The following TG variants were observed in gnomAD, a reference collection of about 807,000 sequenced individuals.
TG encodes the protein thyroglobulin, also known as thyroid hormones.
A neutral mutation model predicts 324.7 loss-of-function variants in TG; 270 were observed. The observed-to-expected ratio is 0.83, with a 90% confidence interval of 0.75 to 0.92. TG has a LOEUF of 0.92. Among genes scored for constraint, TG ranks in the 40% least tolerant of loss-of-function variants. The pLI, the probability that TG is intolerant of heterozygous loss-of-function variation, is 0.00. For synonymous variants in TG, 1,401 were observed against 1,327.0 expected (o/e 1.06, Z -1.21); for missense variants, 3,591 against 3,456.4 (o/e 1.04, Z -0.98).
At chr8:132,921,785 T>G (rs1367673785) in intron 21 of TG, among the ~76,000 whole-genome samples, 1 of 152,244 alleles carries the variant, frequency 6.6e-6, no homozygotes, top group Non-Finnish European at 1.5e-5. Flanking sequence ...TGTTTATTGA[T>G]GTATTAACTC....
chr8:133,043,691 G>C (rs1357006113), intron 41 of TG, among the ~76,000 whole-genome samples: 1 of 152,128 alleles, frequency 6.6e-6, no homozygotes, highest in African/African-American at 2.4e-5. Context: ...AGCCATTTTT[G>C]CCTCATGCCC....
chr8:132,956,575 A>G (rs1826902968), intron 27 of TG, among the ~76,000 whole-genome samples: 1 of 152,188 alleles, frequency 6.6e-6, no homozygotes. Context: ...AGAGAGAAAA[A>G]GGCATGCAAC....
chr8:133,044,982 A>G, intron 41 of TG: 2 of 1,614,144 alleles, frequency 1.2e-6, no homozygotes, highest in Non-Finnish European at 8.5e-7. Context: ...TATGTCTCTT[A>G]CCAGAATAGT....
chr8:133,093,287 C>G (rs1435946510), intron 41 of TG, among the ~76,000 whole-genome samples: 1 of 152,122 alleles, frequency 6.6e-6, no homozygotes, highest in African/African-American at 2.4e-5. Flanking sequence ...AATTCCAGGC[C>G]TTGGCCTGGC....
chr8:133,028,535 A>G (rs1836315833), intron 40 of TG, among the ~76,000 whole-genome samples: 2 of 152,240 alleles, frequency 1.3e-5, no homozygotes, highest in South Asian at 2.1e-4. Flanking sequence ...TGAAAAAGTA[A>G]TCTTCCATAG....
At chr8:133,103,876 G>A (rs1849554924) in intron 43 of TG, among the ~76,000 whole-genome samples, 1 of 152,216 alleles carries the variant, frequency 6.6e-6, no homozygotes, top group Non-Finnish European at 1.5e-5. Context: ...TTCTGACTCG[G>A]AGAGTTCATG....
At chr8:132,919,253 A>G (rs992820963) in intron 20 of TG, 123 bp from the exon 21 acceptor site, 18 of 1,047,796 alleles carry the variant, frequency 1.7e-5, no homozygotes, top group Admixed American at 1.2e-4. Context: ...TTCTCAGTGG[A>G]CATTTGTTAA....
chr8:132,997,494 G>A (rs1832993522), intron 35 of TG, among the ~76,000 whole-genome samples: 3 of 152,242 alleles, frequency 2.0e-5, no homozygotes, highest in Middle Eastern at 3.4e-3. Flanking sequence ...AGAGTCAAGG[G>A]CAGCCCCTTG....
intron 41 of TG, among the ~76,000 whole-genome samples, chr8:133,086,327 T>TA (rs1846554478): frequency 6.6e-6 from 1 of 152,178 alleles, no homozygotes; most frequent in Admixed American, 6.5e-5. Context: ...ACCATTGAAT[T>TA]AAGTGGGTGA....
chr8:132,972,812 A>G, intron 34 of TG, 71 bp downstream of exon 34: 2 of 1,586,974 alleles, frequency 1.3e-6, no homozygotes, highest in East Asian at 2.2e-5. Context: ...CATTAGGACA[A>G]TATTCTTGGA....
At chr8:133,046,090 C>T (rs945865241) in intron 41 of TG, among the ~76,000 whole-genome samples, 2 of 152,096 alleles carry the variant, frequency 1.3e-5, no homozygotes, top group Admixed American at 6.5e-5. Context: ...AGAGTAGAAC[C>T]GCAGCCATGT....
Position 132,881,980 on chromosome 8 carries a change from C to A in TG, c.745+11C>A, listed in dbSNP as rs754494001. 26 of 1,577,802 alleles carry A rather than the reference C, an allele frequency of 1.6e-5. No individual in the cohort carries two copies. Among genetic ancestry groups the A allele is most frequent in the Middle Eastern group, 1.7e-4 (1 of 6,004 alleles). On this transcript the variant is annotated intron_variant, in intron 6 of 47. Transcript: ENST00000220616. ...AACTGGCTGAGACAGGTGAGTGATA[C>A]CCCTCAGGTGATCTGAAGGGAGGGA...
At chr8:133,035,688 A>G (rs1195883368) in intron 41 of TG, among the ~76,000 whole-genome samples, 2 of 152,200 alleles carry the variant, frequency 1.3e-5, no homozygotes, top group Non-Finnish European at 2.9e-5. Flanking sequence ...TCTCTTTGCC[A>G]TTATGCAATT....
At chr8:132,895,066 C>T (rs1429642572) in intron 11 of TG, among the ~76,000 whole-genome samples, 1 of 152,232 alleles carries the variant, frequency 6.6e-6, no homozygotes, top group African/African-American at 2.4e-5. Flanking sequence ...CATCCTAGAG[C>T]CCTTGTTCTT....
chr8:133,006,838 G>A (rs1246810745), intron 35 of TG, among the ~76,000 whole-genome samples: 1 of 152,170 alleles, frequency 6.6e-6, no homozygotes, highest in Non-Finnish European at 1.5e-5. Flanking sequence ...TTAGTTATAG[G>A]TTTTTTGAAT....
At chr8:133,102,671 C>A (rs958206170) in intron 43 of TG, 2 of 1,066,114 alleles carry the variant, frequency 1.9e-6, no homozygotes, top group African/African-American at 3.1e-5. Context: ...AATTTCTCCC[C>A]CTTTTCTCTT....
chr8:132,948,029 C>A (rs953270779), intron 26 of TG, among the ~76,000 whole-genome samples: 1 of 152,182 alleles, frequency 6.6e-6, no homozygotes, highest in Non-Finnish European at 1.5e-5. Flanking sequence ...AATGTCATCT[C>A]CCCTAGTTAC....
chr8:133,008,753 G>A (rs966449677), intron 35 of TG, among the ~76,000 whole-genome samples: 5 of 152,236 alleles, frequency 3.3e-5, no homozygotes, highest in South Asian at 2.1e-4. Context: ...TTACTGGATC[G>A]TCTGTTTCCT....
At chr8:132,930,266 G>A (rs1243049058) in intron 23 of TG, among the ~76,000 whole-genome samples, 1 of 152,224 alleles carries the variant, frequency 6.6e-6, no homozygotes, top group Non-Finnish European at 1.5e-5. Context: ...GTGGTCAAAT[G>A]AGTAGATGTG....
Sources: gnomAD v4.1 joint callset for allele counts (sites outside exome capture counted in the v4.1 genomes callset) on GRCh38, gnomAD v4.1.1 for gene constraint, MANE v1.5 for transcripts, NCBI Gene and HGNC (gene_info 2026-07-23, HGNC 2026-07-21) for gene names.